The following SLC25A24 variants were observed in gnomAD, a reference collection of about 807,000 sequenced individuals.
SLC25A24 encodes the protein mitochondrial adenyl nucleotide antiporter SLC25A24.
In SLC25A24, 49 loss-of-function variants were observed where a neutral mutation model predicts 60.7. The observed-to-expected ratio is 0.81, with a 90% confidence interval of 0.64 to 1.02. SLC25A24 has a LOEUF of 1.02. SLC25A24 is among the 50% of genes least tolerant of loss of function. The pLI is 0.00. For synonymous variants in SLC25A24, 202 were observed against 200.6 expected (o/e 1.01, Z -0.06); for missense variants, 564 against 586.3 (o/e 0.96, Z 0.39).
At chr1:108,187,271 A>G (rs1648160533) in intron 1 of SLC25A24, among the ~76,000 whole-genome samples, 1 of 152,140 alleles carries the variant, frequency 6.6e-6, no homozygotes, top group Admixed American at 6.5e-5. Flanking sequence ...TCGGTGACCC[A>G]TCATTGAGGC....
At chr1:108,189,916 A>T (rs578230400) in intron 1 of SLC25A24, among the ~76,000 whole-genome samples, 1 of 151,884 alleles carries the variant, frequency 6.6e-6, no homozygotes, top group Admixed American at 6.5e-5. Flanking sequence ...ATAGGGTTCA[A>T]TATTACCCAC....
intron 2 of SLC25A24, among the ~76,000 whole-genome samples, chr1:108,183,253 G>A (rs995208030): frequency 2.6e-5 from 4 of 152,220 alleles, no homozygotes; most frequent in Non-Finnish European, 5.9e-5. Context: ...TGGGGAGAGG[G>A]AAGGAGCAGC....
At chr1:108,178,762 C>T (rs1168620266) in intron 3 of SLC25A24, among the ~76,000 whole-genome samples, 1 of 151,458 alleles carries the variant, frequency 6.6e-6, no homozygotes, top group Non-Finnish European at 1.5e-5. Context: ...TGCAGTGAGC[C>T]AAGATCGGGC....
In SLC25A24 at chr1:108,139,146, C is replaced by A; in HGVS notation, c.1161G>T (p.Val387=). 1 of 1,611,674 alleles carries A rather than the reference C, an allele frequency of 6.2e-7. No individual in the cohort carries two copies. The highest frequency in any genetic ancestry group is 8.5e-7 in the Non-Finnish European group (1 of 1,178,926). Residue 387 remains valine, a synonymous_variant, in exon 9 of 10, where the codon GTG becomes GTT. Coordinates refer to ENST00000565488, the MANE Select transcript of SLC25A24 (RefSeq NM_013386.5). Reference sequence around the variant, plus strand: ...TGGATAAGGCACCGCATCCCAGCAACACCATGACTCCAGGGTTTACAGAAT... The same window carrying A: ...TGGATAAGGCACCGCATCCCAGCAAAACCATGACTCCAGGGTTTACAGAAT... ...AKDSVNPGVM[V]LLGCGALSST...
chr1:108,153,576 C>T (rs979756116), intron 6 of SLC25A24, among the ~76,000 whole-genome samples: 6 of 152,022 alleles, frequency 3.9e-5, no homozygotes, highest in Admixed American at 2.0e-4. Context: ...TAGAGAGCCC[C>T]GAGGGATGAA....
At chr1:108,137,771 G>A (rs1679329127) in intron 9 of SLC25A24, among the ~76,000 whole-genome samples, 1 of 152,152 alleles carries the variant, frequency 6.6e-6, no homozygotes, top group Non-Finnish European at 1.5e-5. Context: ...AATCTTGTGG[G>A]AGTTACTTAA....
chr1:108,199,206 T>C (rs1264903253), intron 1 of SLC25A24: 1 of 152,194 alleles, frequency 6.6e-6, no homozygotes, highest in Non-Finnish European at 1.5e-5. Context: ...TTGTTGGCCC[T>C]CATAGTAACC....
chr1:108,146,269 C>T (rs1679585945), intron 7 of SLC25A24, among the ~76,000 whole-genome samples: 2 of 152,044 alleles, frequency 1.3e-5, no homozygotes, highest in South Asian at 2.1e-4. Flanking sequence ...GATTTTGTAC[C>T]CTGAGACTTT....
intron 1 of SLC25A24, among the ~76,000 whole-genome samples, chr1:108,196,703 T>C (rs1015923474): frequency 1.7e-4 from 26 of 152,196 alleles, no homozygotes; most frequent in Non-Finnish European, 4.4e-5. Flanking sequence ...TCCGGTTCCA[T>C]GGACCACTGT....
In SLC25A24 at chr1:108,162,664, G is replaced by T. The variant is rs1459386317; in HGVS notation, c.399-1371C>A. 2.0e-5 allele frequency among the ~76,000 whole-genome samples: 3 copies of T among 152,048 alleles called. No individual in the cohort carries two copies. In the East Asian group the frequency reaches 5.8e-4, roughly 30 times the overall value. ...TTGTTTGTTTTTTTCTTGTAAATTT[G>T]TTTGAGTTCATTGTAGATTCTGGAT... On this transcript the variant is annotated intron_variant, in intron 3 of 9. Transcript: ENST00000565488.
Position 108,187,927 on chromosome 1 carries a change from G to GATAGATAGATAGAT in SLC25A24, c.184-1974_184-1973insATCTATCTATCTAT. On this transcript the variant is annotated intron_variant, in intron 1 of 9. Transcript: ENST00000565488. ...TACACGAAATGGATAAGACATTATA[G>GATAGATAGATAGAT]ATATATATATATATATATTCATGCA... Among the ~76,000 whole-genome samples, 4 of 95,772 alleles carry GATAGATAGATAGAT rather than the reference G, an allele frequency of 4.2e-5. No homozygotes were observed. In the South Asian group the frequency reaches 9.7e-4, roughly 23 times the overall value. The allele number at this position is 95,772 out of a possible 152,430, so 62.8% of individuals were successfully genotyped here.
At chr1:108,193,227 G>C (rs565205594) in intron 1 of SLC25A24, among the ~76,000 whole-genome samples, 2 of 138,860 alleles carry the variant, frequency 1.4e-5, no homozygotes, top group Non-Finnish European at 3.1e-5. Flanking sequence ...CCATCAGCTT[G>C]TTACAAGGGT....
chr1:108,191,079 AC>A lies in SLC25A24; in HGVS notation c.184-5126del, dbSNP rs766034213. ...AGTTTGTATCAAATAAACAAATACA[AC>A]TTACACTTGCAAATCTAAATATAAG... On this transcript the variant is annotated intron_variant, in intron 1 of 9. Transcript: ENST00000565488. Among the ~76,000 whole-genome samples, 14 of 140,272 alleles carry A rather than the reference AC, an allele frequency of 1.0e-4. 2 individuals carry two copies. The highest frequency in any genetic ancestry group is 8.0e-4 in the Admixed American group (10 of 12,544). 92.0% of individuals were successfully genotyped at this position (140,272 alleles called of 152,430 possible). A position where few individuals can be genotyped will look rare whatever the true frequency, so the allele number is the denominator to read the frequency against.
At chr1:108,141,393 T>C (rs1459515678) in intron 8 of SLC25A24, among the ~76,000 whole-genome samples, 1 of 152,174 alleles carries the variant, frequency 6.6e-6, no homozygotes, top group African/African-American at 2.4e-5. Context: ...ATTGGAATCT[T>C]GGTGTACATT....
At chr1:108,189,829 G>A (rs1363361992) in intron 1 of SLC25A24, among the ~76,000 whole-genome samples, 3 of 136,724 alleles carry the variant, frequency 2.2e-5, no homozygotes, top group Non-Finnish European at 3.2e-5. Flanking sequence ...AAAAAAAAAA[G>A]AGCTAAAGCT....
intron 3 of SLC25A24, 36 bp from the exon 4 acceptor site, chr1:108,161,329 A>G: frequency 9.6e-7 from 1 of 1,045,972 alleles, no homozygotes; most frequent in Non-Finnish European, 1.5e-6. Context: ...GTACAAAACT[A>G]AATTGATAAA....
At chr1:108,166,097 T>C (rs1256510965) in intron 3 of SLC25A24, among the ~76,000 whole-genome samples, 5 of 152,338 alleles carry the variant, frequency 3.3e-5, no homozygotes, top group East Asian at 1.9e-4. Context: ...AAAATTCTTT[T>C]CTTTAAGAAT....
chr1:108,187,451 A>C (rs1245730124), intron 1 of SLC25A24, among the ~76,000 whole-genome samples: 1 of 152,182 alleles, frequency 6.6e-6, no homozygotes, highest in Non-Finnish European at 1.5e-5. Flanking sequence ...ACTGGCAAAT[A>C]ACCAATGTCA....
Position 108,139,154 on chromosome 1 carries a change from C to T in SLC25A24, c.1153G>A (p.Val385Ile), listed in dbSNP as rs746183234. 20 of 1,610,710 alleles carry T rather than the reference C, an allele frequency of 1.2e-5. No individual in the cohort carries two copies. Among genetic ancestry groups the T allele is most frequent in the Non-Finnish European group, 1.7e-5 (20 of 1,178,540 alleles). Residue 385 changes from valine to isoleucine, a missense_variant, in exon 9 of 10, where the codon GTC (valine) becomes ATC (isoleucine). By Grantham distance (29) the Val-to-Ile change is conservative (BLOSUM62 3). Coordinates refer to ENST00000565488, the MANE Select transcript of SLC25A24 (RefSeq NM_013386.5). ...GCACCGCATCCCAGCAACACCATGA[C>T]TCCAGGGTTTACAGAATCTTTTGCA... ...NFAKDSVNPG[V>I]MVLLGCGALS...
Sources: allele counts gnomAD v4.1 joint callset (sites outside exome capture counted in the v4.1 genomes callset), GRCh38; gene constraint gnomAD v4.1.1; transcripts MANE v1.5; gene names NCBI Gene and HGNC (gene_info 2026-07-23, HGNC 2026-07-21).